The following USH2A variants were observed in gnomAD, a reference collection of about 807,000 sequenced individuals.
The protein encoded by USH2A is Usher syndrome 2A (autosomal recessive, mild).
A neutral mutation model predicts 538.9 loss-of-function variants in USH2A; 443 were observed. The ratio of observed to expected loss-of-function variants is 0.82; its 90% confidence interval spans 0.76 to 0.89. The LOEUF is 0.89. Among genes scored for constraint, USH2A ranks in the 40% least tolerant of loss-of-function variants. The pLI is 0.00. For missense variants in USH2A, 6,633 were observed against 6,324.8 expected (o/e 1.05, Z -1.65); for synonymous variants, 2,413 against 2,273.5 (o/e 1.06, Z -1.75).
At chr1:215,744,785 T>C (rs1660425917) in intron 58 of USH2A, among the ~76,000 whole-genome samples, 1 of 152,194 alleles carries the variant, frequency 6.6e-6, no homozygotes, top group Non-Finnish European at 1.5e-5. Flanking sequence ...TACTGATCAA[T>C]TGCTTCCTCA....
chr1:216,359,002 A>T (rs1163625185), intron 4 of USH2A, among the ~76,000 whole-genome samples: 1 of 152,190 alleles, frequency 6.6e-6, no homozygotes, highest in Non-Finnish European at 1.5e-5. Flanking sequence ...CACTTTTAGA[A>T]GTACTAATGG....
intron 56 of USH2A, among the ~76,000 whole-genome samples, chr1:215,761,585 T>C (rs915850971): frequency 6.6e-6 from 1 of 152,194 alleles, no homozygotes; most frequent in African/African-American, 2.4e-5. Flanking sequence ...AGATTTATTG[T>C]AAATATATCT....
At chr1:216,077,825 A>G (rs1013708434) in intron 27 of USH2A, among the ~76,000 whole-genome samples, 1 of 151,168 alleles carries the variant, frequency 6.6e-6, no homozygotes, top group African/African-American at 2.4e-5. Flanking sequence ...TAATAATAAT[A>G]TGTATATTAA....
intron 21 of USH2A, among the ~76,000 whole-genome samples, chr1:216,128,210 T>G (rs2033295298): frequency 6.6e-6 from 1 of 152,180 alleles, no homozygotes; most frequent in Non-Finnish European, 1.5e-5. Flanking sequence ...TGAAAATTTA[T>G]GTATGCCCAA....
intron 30 of USH2A, among the ~76,000 whole-genome samples, chr1:216,065,228 T>A (rs1052823632): frequency 2.6e-5 from 4 of 152,208 alleles, no homozygotes; most frequent in Admixed American, 6.5e-5. Context: ...TCCTTCAGAA[T>A]CTTGGGAGAG....
intron 44 of USH2A, among the ~76,000 whole-genome samples, chr1:215,860,219 T>C (rs1235672852): frequency 6.6e-6 from 1 of 152,174 alleles, no homozygotes; most frequent in African/African-American, 2.4e-5. Context: ...CCTTATTGAC[T>C]TCCCAGCCTC....
intron 13 of USH2A, among the ~76,000 whole-genome samples, 155 bp downstream of exon 13, chr1:216,246,429 TA>T (rs1558341283): frequency 1.3e-5 from 2 of 152,222 alleles, no homozygotes; most frequent in African/African-American, 4.8e-5. Context: ...TTGAATAAGT[TA>T]AATAGTTATA....
chr1:216,400,262 A>G (rs2039284315), intron 3 of USH2A, among the ~76,000 whole-genome samples: 1 of 151,482 alleles, frequency 6.6e-6, no homozygotes, highest in South Asian at 2.1e-4. Flanking sequence ...GAAACTAAAT[A>G]ACTGAAACAT....
At position 215,671,237 on chromosome 1, in the gene USH2A, G is replaced by C; in HGVS notation, c.13868C>G (p.Thr4623Arg). Residue 4623 changes from threonine to arginine, a missense_variant, in exon 64 of 72, where the codon ACA becomes AGA. By Grantham distance (71) the Thr-to-Arg change is moderately conservative (BLOSUM62 -1). Coordinates refer to ENST00000307340, the MANE Select transcript of USH2A (RefSeq NM_206933.4). ...TTLGCASSDWTFIQTPEIAPL... is the reference protein window; with the variant it reads ...TTLGCASSDWRFIQTPEIAPL... Reference sequence around the variant, plus strand: ...TGCAATCTCAGGGGTCTGTATGAATGTCCAGTCACTTGATGCACATCCCAG... The same window carrying C: ...TGCAATCTCAGGGGTCTGTATGAATCTCCAGTCACTTGATGCACATCCCAG... 1 of 1,614,138 alleles carries C rather than the reference G, an allele frequency of 6.2e-7. No homozygotes were observed. Among genetic ancestry groups the C allele is most frequent in the Non-Finnish European group, 8.5e-7 (1 of 1,180,018 alleles).
chr1:215,814,293 C>T (rs892936529), intron 48 of USH2A, among the ~76,000 whole-genome samples: 1 of 145,282 alleles, frequency 6.9e-6, no homozygotes, highest in East Asian at 2.0e-4. Context: ...AGATATAGAT[C>T]TTTTATTATA....
chr1:216,106,915 T>C (rs2032749776), intron 21 of USH2A, among the ~76,000 whole-genome samples: 1 of 151,902 alleles, frequency 6.6e-6, no homozygotes, highest in African/African-American at 2.4e-5. Flanking sequence ...TTGAAGTATT[T>C]AGAAAATTTC....
chr1:215,915,427 T>C (rs1044617506), intron 38 of USH2A, among the ~76,000 whole-genome samples: 9 of 152,102 alleles, frequency 5.9e-5, no homozygotes, highest in African/African-American at 9.7e-5. Context: ...TTTAAACAAA[T>C]GTGTCGTTTA....
At chr1:216,166,560 C>T (rs776505729) in intron 21 of USH2A, among the ~76,000 whole-genome samples, 3 of 152,084 alleles carry the variant, frequency 2.0e-5, no homozygotes, top group Admixed American at 6.6e-5. Context: ...CTGGACTAGG[C>T]AGTAGCGTAG....
At chr1:216,205,381 T>C (rs2035088908) in intron 16 of USH2A, among the ~76,000 whole-genome samples, 1 of 152,218 alleles carries the variant, frequency 6.6e-6, no homozygotes, top group South Asian at 2.1e-4. Flanking sequence ...CAGATGTTCA[T>C]TTCCCTTTGC....
At chr1:216,068,789 T>C (rs1182565905) in intron 30 of USH2A, among the ~76,000 whole-genome samples, 4 of 152,178 alleles carry the variant, frequency 2.6e-5, no homozygotes, top group Admixed American at 6.5e-5. Context: ...CTCCTGTATA[T>C]CAAAATGGTT....
intron 21 of USH2A, among the ~76,000 whole-genome samples, chr1:216,133,667 C>G (rs969967458): frequency 6.6e-6 from 1 of 152,040 alleles, no homozygotes; most frequent in Non-Finnish European, 1.5e-5. Context: ...GCTCCACAAA[C>G]CCATTATGTC....
intron 70 of USH2A, among the ~76,000 whole-genome samples, chr1:215,631,055 C>A (rs1656268100): frequency 6.6e-6 from 1 of 152,152 alleles, no homozygotes; most frequent in Non-Finnish European, 1.5e-5. Flanking sequence ...ATACAAAAGA[C>A]ACTCTCATTC....
intron 3 of USH2A, among the ~76,000 whole-genome samples, chr1:216,384,674 A>T (rs149276486): frequency 1.3e-5 from 2 of 152,180 alleles, no homozygotes; most frequent in Non-Finnish European, 2.9e-5. Flanking sequence ...CAATCCACAC[A>T]CCTGTTTTTT....
At chr1:215,669,874 A>G (rs899068678) in intron 64 of USH2A, among the ~76,000 whole-genome samples, 5 of 152,290 alleles carry the variant, frequency 3.3e-5, no homozygotes, top group Middle Eastern at 3.4e-3. Context: ...TTTGGTCACT[A>G]TCTTTTTGGT....
Sources: allele counts gnomAD v4.1 joint callset (sites outside exome capture counted in the v4.1 genomes callset), GRCh38; gene constraint gnomAD v4.1.1; transcripts MANE v1.5; gene names NCBI Gene and HGNC (gene_info 2026-07-23, HGNC 2026-07-21).